The following LRRC7 variants were observed in gnomAD, a reference collection of about 807,000 sequenced individuals.
The protein encoded by LRRC7 is leucine rich repeat containing 7.
Under a neutral mutation model 175.7 loss-of-function variants are expected in LRRC7, and 23 were observed. That is an observed-to-expected ratio of 0.13 (90% confidence interval 0.09 to 0.19). The LOEUF (loss-of-function observed/expected upper bound fraction) is 0.19. LRRC7 is among the 10% of genes least tolerant of loss of function. The pLI, the probability that LRRC7 is intolerant of heterozygous loss-of-function variation, is 1.00. For missense variants in LRRC7, 1,354 were observed against 1,904.7 expected (o/e 0.71, Z 5.38); for synonymous variants, 685 against 680.9 (o/e 1.01, Z -0.09).
intron 8 of LRRC7, among the ~76,000 whole-genome samples, chr1:69,962,969 A>C (rs1248579751): frequency 6.6e-6 from 1 of 152,028 alleles, no homozygotes; most frequent in Non-Finnish European, 1.5e-5. Flanking sequence ...CTGCACATGT[A>C]CCCCGAACTT....
At chr1:69,663,738 G>T (rs1489107589) in intron 1 of LRRC7, among the ~76,000 whole-genome samples, 2 of 103,594 alleles carry the variant, frequency 1.9e-5, no homozygotes, top group Non-Finnish European at 1.8e-5. Context: ...TTTTTGAGAC[G>T]GAGTCTCGCT....
intron 1 of LRRC7, among the ~76,000 whole-genome samples, chr1:69,609,968 A>G (rs1648437024): frequency 6.6e-6 from 1 of 152,076 alleles, no homozygotes; most frequent in Non-Finnish European, 1.5e-5. Context: ...CCAATCAGCT[A>G]TCTTCAATAG....
Position 70,089,721 on chromosome 1 carries a change from A to G in LRRC7, c.4453-6A>G. On this transcript the variant is annotated splice_polypyrimidine_tract_variant and splice_region_variant and intron_variant, in intron 24 of 26. Transcript: ENST00000651989. ...TTACTTACCATTTTATATCTTTTTT[A>G]CATAGTTTTGTGTGAGAATAGAAAA... The G allele has an allele frequency of 6.4e-7, 1 of 1,571,020 alleles. No homozygotes were observed.
intron 1 of LRRC7, among the ~76,000 whole-genome samples, chr1:69,589,001 G>GTGTGTGTGTGTGTA (rs1646515042): frequency 6.6e-6 from 1 of 151,144 alleles, no homozygotes; most frequent in Non-Finnish European, 1.5e-5. Context: ...GTGTGTGTGT[G>GTGTGTGTGTGTGTA]TGTGTGTGCG....
intron 3 of LRRC7, among the ~76,000 whole-genome samples, chr1:69,789,484 C>G (rs565712231): frequency 7.9e-5 from 12 of 152,074 alleles, no homozygotes; most frequent in Admixed American, 6.5e-4. Context: ...TAATTCAAAG[C>G]TTTCGAATCT....
chr1:69,918,741 A>T (rs1484836997), intron 7 of LRRC7, among the ~76,000 whole-genome samples: 3 of 152,196 alleles, frequency 2.0e-5, no homozygotes, highest in Non-Finnish European at 4.4e-5. Flanking sequence ...GACAGAATGA[A>T]ACTATAGTGA....
rs982813626 is a variant in LRRC7, at chr1:70,111,217, A to G, written c.4620+3391A>G. 7.9e-5 allele frequency among the ~76,000 whole-genome samples: 12 copies of G among 152,324 alleles called. No homozygotes were observed. In the South Asian group the frequency reaches 2.1e-3, roughly 26 times the overall value. On this transcript the variant is annotated intron_variant, in intron 26 of 26. Transcript: ENST00000651989. The stretch of plus-strand genomic sequence containing the variant: ...ATTTATTAGATCTCTTTCTTTCTCT[A>G]TAATTCTTTATACCATCCACTCTTT...
chr1:69,898,722 A>ACTT (rs1485960067), intron 7 of LRRC7, among the ~76,000 whole-genome samples: 1 of 151,238 alleles, frequency 6.6e-6, no homozygotes, highest in Non-Finnish European at 1.5e-5. Context: ...GTGGTCAGGA[A>ACTT]CTTCTGTAGA....
Position 69,688,508 on chromosome 1 carries a change from C to T in LRRC7, c.100+10030C>T, listed in dbSNP as rs575589424. Among the ~76,000 whole-genome samples, 5 of 152,234 alleles carry T rather than the reference C, an allele frequency of 3.3e-5. No individual in the cohort carries two copies. The East Asian group carries it at 7.7e-4, about 24-fold the overall frequency. ...AATAAGACAGGCGTCAGAACTTCAC[C>T]ATTCTCTGGGTGTCAGCTTTATTCT... On this transcript the variant is annotated intron_variant, in intron 2 of 26. Coordinates refer to ENST00000651989, the MANE Select transcript of LRRC7 (RefSeq NM_001370785.2).
intron 2 of LRRC7, among the ~76,000 whole-genome samples, chr1:69,728,927 A>G (rs1667265065): frequency 6.6e-6 from 1 of 152,202 alleles, no homozygotes; most frequent in Non-Finnish European, 1.5e-5. Context: ...TTAACTCACA[A>G]TTCAGCATGG....
intron 4 of LRRC7, among the ~76,000 whole-genome samples, chr1:69,796,904 T>G (rs1675853250): frequency 1.3e-5 from 2 of 152,160 alleles, no homozygotes; most frequent in Non-Finnish European, 2.9e-5. Flanking sequence ...TCCTTCTTCC[T>G]CTGTGATACT....
chr1:69,968,472 AAG>A (rs1205959605), intron 8 of LRRC7, among the ~76,000 whole-genome samples: 1 of 152,208 alleles, frequency 6.6e-6, no homozygotes, highest in African/African-American at 2.4e-5. Flanking sequence ...ATTCATCACA[AAG>A]AGATCATCAC....
At chr1:70,056,023 A>G (rs1661123127) in intron 23 of LRRC7, among the ~76,000 whole-genome samples, 2 of 152,192 alleles carry the variant, frequency 1.3e-5, no homozygotes, top group Non-Finnish European at 2.9e-5. Context: ...GGAAATACAG[A>G]AAGAGTAATA....
In LRRC7 at chr1:70,135,759, C is replaced by A. The variant is rs1666841717; in HGVS notation, c.*13872C>A. ...CTAGGATATCATCATCCAAACTATT[C>A]TTGCCCTGTAATATTTGTCTATACT... On this transcript the variant is annotated 3_prime_UTR_variant, in exon 27 of 27. Coordinates refer to ENST00000651989, the MANE Select transcript of LRRC7 (RefSeq NM_001370785.2). Among the ~76,000 whole-genome samples the A allele has an allele frequency of 6.6e-6, 1 of 152,224 alleles. No individual in the cohort carries two copies. The highest frequency in any genetic ancestry group is 2.1e-4 in the South Asian group (1 of 4,832).
chr1:70,043,984 C>T lies in LRRC7; in HGVS notation c.4000C>T (p.Leu1334Phe), dbSNP rs1185482293. The T allele has an allele frequency of 1.9e-6, 3 of 1,612,902 alleles. No homozygotes were observed. The highest frequency in any genetic ancestry group is 2.2e-5 in the South Asian group (2 of 91,006). The change falls in exon 22 of 27, where the codon CTT (leucine) becomes TTT (phenylalanine). Residue 1334 changes from leucine (L) to phenylalanine (F), a missense_variant. Coordinates refer to ENST00000651989, the MANE Select transcript of LRRC7 (RefSeq NM_001370785.2). Reference protein sequence around the residue: ...NAAYKHNTVNLGMLPYGGISA... With the variant: ...NAAYKHNTVNFGMLPYGGISA... ...TGCTTACAAACACAATACAGTTAAC[C>T]TTGGCATGCTGCCCTATGGAGGTAT...
At chr1:69,994,084 C>G (rs1654701055) in intron 10 of LRRC7, among the ~76,000 whole-genome samples, 2 of 152,110 alleles carry the variant, frequency 1.3e-5, no homozygotes, top group South Asian at 2.1e-4. Flanking sequence ...TTTCCAAGAA[C>G]ATAATTATAA....
At chr1:69,817,979 C>T (rs1024768543) in intron 4 of LRRC7, among the ~76,000 whole-genome samples, 8 of 152,060 alleles carry the variant, frequency 5.3e-5, no homozygotes, top group African/African-American at 1.9e-4. Flanking sequence ...AACTTGTGCT[C>T]TACTAAATTT....
At chr1:70,012,281 G>A (rs1394606684) in intron 12 of LRRC7, among the ~76,000 whole-genome samples, 2 of 151,502 alleles carry the variant, frequency 1.3e-5, no homozygotes, top group Non-Finnish European at 3.0e-5. Flanking sequence ...CTTTTTAAAT[G>A]TACATATGCT....
intron 11 of LRRC7, 81 bp downstream of exon 11, chr1:69,994,714 T>A (rs1014980224): frequency 1.1e-6 from 1 of 885,406 alleles, no homozygotes; most frequent in African/African-American, 1.7e-5. Flanking sequence ...ATTCAAAACA[T>A]TTTCTACTAA....
Sources: allele counts gnomAD v4.1 joint callset (sites outside exome capture counted in the v4.1 genomes callset), GRCh38; gene constraint gnomAD v4.1.1; transcripts MANE v1.5; gene names NCBI Gene and HGNC (gene_info 2026-07-23, HGNC 2026-07-21).